AATK: variants seen among roughly 807,000 people sequenced by gnomAD.
AATK encodes serine/threonine-protein kinase LMTK1.
A neutral mutation model predicts 114.3 loss-of-function variants in AATK; 91 were observed. The ratio of observed to expected loss-of-function variants is 0.80; its 90% CI spans 0.67 to 0.95. The LOEUF is 0.95. Ranked by LOEUF, AATK falls within the 40% of genes least tolerant of loss-of-function variation. The pLI, the probability that AATK is intolerant of heterozygous loss-of-function variation, is 0.00. For synonymous variants in AATK, 1,075 were observed against 916.5 expected (o/e 1.17, Z -3.12); for missense variants, 2,176 against 1,965.2 (o/e 1.11, Z -2.03).
In AATK at chr17:81,118,204, G is replaced by A. The variant is rs1435407228; in HGVS notation, c.*198C>T. ...AAAGCCCAGACGAATTCTGCCTCTG[G>A]GGCGGAGCATGGCCGATCTACCATC... is the stretch of plus-strand genomic sequence containing the variant. On this transcript the variant is annotated 3_prime_UTR_variant, in exon 14 of 14. Coordinates refer to ENST00000326724, the MANE Select transcript of AATK (RefSeq NM_001080395.3). 1.7e-6 allele frequency: 1 copy of A among 593,230 alleles called. No homozygotes were observed. Among genetic ancestry groups the A allele is most frequent in the Non-Finnish European group, 3.0e-6 (1 of 336,994 alleles). 36.7% of individuals were successfully genotyped at this position (593,230 alleles called of 1,614,324 possible). A position where few individuals can be genotyped will look rare whatever the true frequency, so the allele number is the denominator to read the frequency against.
At chr17:81,151,852 C>T (rs1179709981) in intron 1 of AATK, among the ~76,000 whole-genome samples, 2 of 152,140 alleles carry the variant, frequency 1.3e-5, no homozygotes, top group Non-Finnish European at 1.5e-5. Context: ...GGGTGGCCTT[C>T]GATTTGGGTG....
intron 1 of AATK, among the ~76,000 whole-genome samples, chr17:81,157,895 C>T (rs894626362): frequency 6.6e-6 from 1 of 152,218 alleles, no homozygotes; most frequent in Admixed American, 6.5e-5. Flanking sequence ...CCCTCGGTCC[C>T]GCTCTTCGTG....
At position 81,126,329 on chromosome 17, in the gene AATK, C is replaced by T. The variant is rs1394623689; in HGVS notation, c.755+98G>A. 7.0e-7 allele frequency: 1 copy of T among 1,421,314 alleles called. No homozygotes were observed. Among genetic ancestry groups the T allele is most frequent in the Non-Finnish European group, 9.3e-7 (1 of 1,069,544 alleles). 88.0% of individuals were successfully genotyped at this position (1,421,314 alleles called of 1,614,324 possible). ...CTGCATGAGATGAACCTGGCCGGTC[C>T]TCGCAAGCCCCCTGAGGCAGGACCC... On this transcript the variant is annotated intron_variant, in intron 7 of 13. Transcript: ENST00000326724. The surrounding 1 kb of genome is among the most constrained non-coding windows in gnomAD (Gnocchi z 5.1).
At chr17:81,119,849 T>C (rs1269814271) in intron 12 of AATK, 87 bp downstream of exon 12, 3 of 1,361,464 alleles carry the variant, frequency 2.2e-6, no homozygotes, top group African/African-American at 1.6e-5. Flanking sequence ...CCTCCCATGA[T>C]GTCACACATT....
At position 81,118,364 on chromosome 17, in the gene AATK, G is replaced by A. The variant is rs760207419; in HGVS notation, c.*38C>T. ...CTCGCTGCTGCCTGGCAGGGGCTCC[G>A]GTGACGCCAGCCTTGAGGGGCAGGA... On this transcript the variant is annotated 3_prime_UTR_variant, in exon 14 of 14. Coordinates refer to ENST00000326724, the MANE Select transcript of AATK (RefSeq NM_001080395.3). 109 of 1,583,808 alleles carry A rather than the reference G, an allele frequency of 6.9e-5. No homozygotes were observed. The highest frequency in any genetic ancestry group is 7.1e-5 in the Admixed American group (4 of 56,612).
rs1269104433 is a variant in AATK at position 81,122,699 on chromosome 17, G to A, written c.1237C>T (p.Arg413Cys). The change falls in exon 11 of 14, where the codon CGC (arginine) becomes TGC (cysteine). Residue 413 changes from arginine (R) to cysteine (C), a missense_variant. Arg to Cys is a radical substitution (Grantham distance 180, BLOSUM62 -3). Coordinates refer to ENST00000326724, the MANE Select transcript of AATK (RefSeq NM_001080395.3). ...CCGCCGGGCCGCAGAGAGCGCCAGC[G>A]CCGTTCAAACTCCTCCTCTGCTTCG... ...ATEAEEEFER[R>C]WRSLRPGGGG... 2.6e-6 allele frequency: 4 copies of A among 1,565,336 alleles called. No individual in the cohort carries two copies. In the Admixed American group the frequency reaches 5.6e-5, roughly 22 times the overall value.
Position 81,121,534 on chromosome 17 carries a change from G to T in AATK, c.2402C>A (p.Ser801Tyr). 1 of 1,538,528 alleles carries T rather than the reference G, an allele frequency of 6.5e-7. No homozygotes were observed. ...GPRLPLPSVP[S>Y]PSQEGAPLPS... ...AAGTGGGGCTCCCTCCTGGGATGGG[G>T]AGGGGACGGAAGGAAGGGGCAGGCG... Residue 801 changes from serine to tyrosine, a missense_variant, in exon 11 of 14, where the codon TCC becomes TAC. Ser to Tyr is a moderately radical substitution (Grantham distance 144, BLOSUM62 -2). Around this residue, in one of 4 missense-constraint regions of AATK, gnomAD observed 1,701 missense variants for 1,394.7 expected, o/e 1.22. Transcript: ENST00000326724.
At chr17:81,122,902 C>T (rs1349082606) in intron 10 of AATK, 79 bp from the exon 11 acceptor site, 4 of 1,274,684 alleles carry the variant, frequency 3.1e-6, no homozygotes, top group Non-Finnish European at 4.2e-6. Flanking sequence ...ATGGGGGTTC[C>T]CCTAACTCCC....
rs2060699890 is a variant in AATK, at chr17:81,121,552, G to A, written c.2384C>T (p.Pro795Leu). The change falls in exon 11 of 14, where the codon CCC (proline) becomes CTC (leucine). Residue 795 changes from proline to leucine, a missense_variant. Around this residue, in one of 4 missense-constraint regions of AATK, gnomAD observed 1,701 missense variants for 1,394.7 expected, o/e 1.22. Coordinates refer to ENST00000326724, the MANE Select transcript of AATK (RefSeq NM_001080395.3). ...GGATGGGGAGGGGACGGAAGGAAGG[G>A]GCAGGCGGGGTCCGGTAGTGCCCTC... ...EAEGTTGPRLPLPSVPSPSQE... is the reference protein window; with the variant it reads ...EAEGTTGPRLLLPSVPSPSQE... 6.5e-7 allele frequency: 1 copy of A among 1,528,738 alleles called. No homozygotes were observed. Among genetic ancestry groups the A allele is most frequent in the East Asian group, 2.3e-5 (1 of 43,784 alleles). The allele number at this position is 1,528,738 out of a possible 1,614,324, so 94.7% of individuals were successfully genotyped here.
In AATK at chr17:81,124,910, G is replaced by GCCCAC. The variant is rs771771124; in HGVS notation, c.840+15_840+19dup. Reference sequence around the variant, plus strand: ...GGCCCTGCCCCTCATGCCCAGCCCAGCCCACCCCACCCCACTCACTCTGTA... The same window carrying GCCCAC: ...GGCCCTGCCCCTCATGCCCAGCCCAGCCCACCCCACCCCACCCCACTCACTCTGTA... On this transcript the variant is annotated intron_variant, in intron 8 of 13. Coordinates refer to ENST00000326724, the MANE Select transcript of AATK (RefSeq NM_001080395.3). 9.9e-5 allele frequency: 88 copies of GCCCAC among 889,094 alleles called. 1 individual carries two copies. The highest frequency in any genetic ancestry group is 2.1e-4 in the Middle Eastern group (1 of 4,662). 55.1% of individuals were successfully genotyped at this position (889,094 alleles called of 1,614,324 possible). A position where few individuals can be genotyped will look rare whatever the true frequency, so the allele number is the denominator to read the frequency against.
intron 2 of AATK, chr17:81,133,363 G>A (rs1272178774): frequency 8.3e-6 from 3 of 362,918 alleles, no homozygotes; most frequent in Admixed American, 7.0e-5. Flanking sequence ...CAGGGGCAGG[G>A]AGGACTCTGG....
At chr17:81,159,509 C>T (rs907233855) in intron 1 of AATK, among the ~76,000 whole-genome samples, 2 of 152,138 alleles carry the variant, frequency 1.3e-5, no homozygotes, top group South Asian at 2.1e-4. Flanking sequence ...ACGCCTTTTT[C>T]GCAGGGGGTT....
Position 81,127,794 on chromosome 17 carries a change from G to A in AATK, c.531C>T (p.Tyr177=). The change falls in exon 5 of 14, where the codon TAC becomes TAT. Residue 177 remains tyrosine (Y), a splice_region_variant and synonymous_variant. Transcript: ENST00000326724. ...QMQFLEEVQP[Y]RALKHSNLLQ... ...CTTTGTGCCCGGTGGCCTCCCACCT[G>A]TAGGGCTGCACCTCCTCCAGGAACT... is the stretch of plus-strand genomic sequence containing the variant. 1.3e-6 allele frequency: 2 copies of A among 1,518,964 alleles called. No individual in the cohort carries two copies. The highest frequency in any genetic ancestry group is 1.8e-6 in the Non-Finnish European group (2 of 1,119,786). 94.1% of individuals were successfully genotyped at this position (1,518,964 alleles called of 1,614,324 possible).
At position 81,124,955 on chromosome 17, in the gene AATK, T is replaced by C; in HGVS notation, c.815A>G (p.Tyr272Cys). ...TADLTVKIGDYGLAHCKYRED... is the reference protein window; with the variant it reads ...TADLTVKIGDCGLAHCKYRED... ...TCTGTACTTGCAGTGAGCCAGGCCA[T>C]AGTCACCAATCTTCACCGTCAGGTC... Residue 272 changes from tyrosine to cysteine, a missense_variant, in exon 8 of 14, where the codon TAT becomes TGT. Transcript: ENST00000326724. The C allele has an allele frequency of 6.4e-7, 1 of 1,573,056 alleles. No homozygotes were observed. The highest frequency in any genetic ancestry group is 8.6e-7 in the Non-Finnish European group (1 of 1,159,490).
Position 81,122,447 on chromosome 17 carries a change from C to CCT in AATK, c.1488_1489insAG (p.Gly497ArgfsTer39). ...AGCTCCTGCAGGCGTGCGGTGCGGCCAGGGCTCAGCGTGGCCGGGAAGGCC... is the reference window on the plus strand; with the variant it reads ...AGCTCCTGCAGGCGTGCGGTGCGGCCCTAGGGCTCAGCGTGGCCGGGAAGGCC... On this transcript the variant is annotated frameshift_variant, in exon 11 of 14. Coordinates refer to ENST00000326724, the MANE Select transcript of AATK (RefSeq NM_001080395.3). LOFTEE classifies it high-confidence loss of function. The CCT allele has an allele frequency of 6.9e-7, 1 of 1,455,598 alleles. No individual in the cohort carries two copies. The highest frequency in any genetic ancestry group is 1.3e-5 in the South Asian group (1 of 78,274). The allele number at this position is 1,455,598 out of a possible 1,614,324, so 90.2% of individuals were successfully genotyped here.
chr17:81,164,762 C>T (rs906799140), intron 1 of AATK, among the ~76,000 whole-genome samples: 4 of 152,172 alleles, frequency 2.6e-5, no homozygotes, highest in Admixed American at 1.3e-4. Context: ...ACAGCTGTTG[C>T]CGTGGCTGTT....
chr17:81,141,021 G>A (rs1046957506), intron 1 of AATK, among the ~76,000 whole-genome samples: 6 of 128,102 alleles, frequency 4.7e-5, no homozygotes, highest in Non-Finnish European at 3.6e-5. Flanking sequence ...CCCATGAGCC[G>A]TGGGGACCGT....
chr17:81,142,746 G>C (rs181445220), intron 1 of AATK, among the ~76,000 whole-genome samples: 151 of 152,272 alleles, frequency 9.9e-4, no homozygotes, highest in Middle Eastern at 3.4e-3. Context: ...TCACCTGTGA[G>C]CCTCCCTGAG....
At chr17:81,124,224 C>A (rs986869971) in intron 9 of AATK, among the ~76,000 whole-genome samples, 2 of 152,088 alleles carry the variant, frequency 1.3e-5, no homozygotes, top group Non-Finnish European at 2.9e-5. Context: ...CACCCCGGGG[C>A]GGACCACTCC....
Sources: allele counts gnomAD v4.1 joint callset (sites outside exome capture counted in the v4.1 genomes callset), GRCh38; gene constraint gnomAD v4.1.1; regional missense constraint gnomAD v4.1.1; non-coding constraint Gnocchi (gnomAD v3.1); transcripts MANE v1.5; gene names NCBI Gene and HGNC (gene_info 2026-07-23, HGNC 2026-07-21).